Variants in AMPD3 observed in about 807,000 individuals in gnomAD.
AMPD3 encodes the protein AMP deaminase 3.
A neutral mutation model predicts 82.3 loss-of-function variants in AMPD3; 57 were observed. The observed-to-expected ratio is 0.69, with a 90% CI of 0.56 to 0.86. AMPD3 has a LOEUF of 0.86. Among genes scored for constraint, AMPD3 ranks in the 40% least tolerant of loss-of-function variants. The pLI is 0.00. For synonymous variants in AMPD3, 381 were observed against 394.7 expected, an observed-to-expected ratio of 0.97 and a Z score of 0.41; for missense variants, 870 against 1,003.8, an observed-to-expected ratio of 0.87 and a Z score of 1.80.
At chr11:10,487,609 A>G (rs146989765) in intron 6 of AMPD3, among the ~76,000 whole-genome samples, 7 of 152,368 alleles carry the variant, frequency 4.6e-5, no homozygotes, top group South Asian at 4.1e-4. Flanking sequence ...TCCGCATTGT[A>G]TATCTGTTGG....
intron 3 of AMPD3, among the ~76,000 whole-genome samples, chr11:10,480,563 A>G (rs1350405732): frequency 6.6e-6 from 1 of 152,210 alleles, no homozygotes; most frequent in Non-Finnish European, 1.5e-5. Flanking sequence ...GTAAAAGTAT[A>G]AAAACATGCA....
Position 10,456,262 on chromosome 11 carries a change from T to A in AMPD3, c.-6+814T>A. On this transcript the variant is annotated intron_variant, in intron 1 of 14. Coordinates refer to ENST00000396553, the MANE Select transcript of AMPD3 (RefSeq NM_001025389.2). The surrounding 1 kb of genome is among the most constrained non-coding windows in gnomAD (Gnocchi z 4.3). ...CTCACAGATATGCAAAACAGAGACC[T>A]CCTACTCCAGCCGGCAGACAGGACC... 1.3e-6 allele frequency: 2 copies of A among 1,559,282 alleles called. No homozygotes were observed. Among genetic ancestry groups the A allele is most frequent in the Admixed American group, 1.9e-5 (1 of 53,676 alleles).
rs943438894 is a variant in AMPD3, at chr11:10,492,948, C to T, written c.940-401C>T. Among the ~76,000 whole-genome samples the T allele has an allele frequency of 1.1e-4, 17 of 152,154 alleles. No homozygotes were observed. In the South Asian group the frequency reaches 1.5e-3, roughly 13 times the overall value. On this transcript the variant is annotated intron_variant, in intron 6 of 14. Coordinates refer to ENST00000396553, the MANE Select transcript of AMPD3 (RefSeq NM_001025389.2). ...ACTGTACCTTGGTGTGTGGTGTACCCGTAAGTGGTTTGTCACGGCTGCAGC... is the reference window on the plus strand; with the variant it reads ...ACTGTACCTTGGTGTGTGGTGTACCTGTAAGTGGTTTGTCACGGCTGCAGC...
intron 2 of AMPD3, among the ~76,000 whole-genome samples, chr11:10,461,947 T>C (rs576688261): frequency 3.3e-5 from 5 of 152,250 alleles, no homozygotes; most frequent in African/African-American, 1.2e-4. Flanking sequence ...CAAAACCCAC[T>C]TTGCTGCTGA....
At position 10,461,525 on chromosome 11, in the gene AMPD3, G is replaced by A. The variant is rs561207052; in HGVS notation, c.6G>A (p.Pro2=). The change falls in exon 2 of 15, where the codon CCG becomes CCA. Residue 2 remains proline, a synonymous_variant. Transcript: ENST00000396553. ...TTCTTTCTTTGCTAGCTGAGATGCC[G>A]CGGCAGTTTCCCAAGCTGAACATCT... M[P]RQFPKLNISE... The A allele has an allele frequency of 2.1e-5, 34 of 1,614,210 alleles. No homozygotes were observed. The highest frequency in any genetic ancestry group is 4.4e-5 in the South Asian group (4 of 91,082).
chr11:10,483,875 G>A (rs1848987878), intron 4 of AMPD3, among the ~76,000 whole-genome samples: 1 of 152,218 alleles, frequency 6.6e-6, no homozygotes, highest in South Asian at 2.1e-4. Context: ...TGCCTATGCT[G>A]GCAGCTGGAC....
intron 2 of AMPD3, among the ~76,000 whole-genome samples, chr11:10,477,316 A>G (rs1179018150): frequency 3.9e-5 from 6 of 152,182 alleles, no homozygotes; most frequent in African/African-American, 1.4e-4. Flanking sequence ...TACTGGGCCC[A>G]TGGCACAAGG....
intron 11 of AMPD3, 186 bp downstream of exon 11, chr11:10,500,435 C>A: frequency 1.9e-6 from 1 of 538,224 alleles, no homozygotes; most frequent in Non-Finnish European, 2.4e-6. Flanking sequence ...AGGCATGTCT[C>A]CACATGATCA....
intron 6 of AMPD3, among the ~76,000 whole-genome samples, chr11:10,492,255 C>A (rs1849260235): frequency 2.6e-5 from 4 of 152,224 alleles, no homozygotes; most frequent in Non-Finnish European, 5.9e-5. Flanking sequence ...CTGTTCATTT[C>A]TGCTTCTTAG....
At chr11:10,491,904 G>T (rs1023772536) in intron 6 of AMPD3, among the ~76,000 whole-genome samples, 15 of 152,174 alleles carry the variant, frequency 9.9e-5, no homozygotes, top group Admixed American at 8.5e-4. Flanking sequence ...TTGGCTGGTG[G>T]CATAAATTTG....
At chr11:10,486,839 C>T (rs1488935654) in intron 5 of AMPD3, 6 of 985,314 alleles carry the variant, frequency 6.1e-6, no homozygotes, top group Non-Finnish European at 7.2e-6. Flanking sequence ...GAGACTTCCA[C>T]TGAGCATCCA....
At chr11:10,475,172 G>A (rs549322733) in intron 2 of AMPD3, among the ~76,000 whole-genome samples, 25 of 152,144 alleles carry the variant, frequency 1.6e-4, no homozygotes, top group Non-Finnish European at 3.1e-4. Context: ...AGGAGCAGGC[G>A]TCTTACATGG....
chr11:10,457,310 A>G (rs532517694), intron 1 of AMPD3, among the ~76,000 whole-genome samples: 47 of 152,218 alleles, frequency 3.1e-4, no homozygotes, highest in African/African-American at 1.1e-3. Context: ...TATTTAAGAC[A>G]CTGGTAGTAG....
chr11:10,495,093 G>T (rs1849354302), intron 8 of AMPD3, 63 bp downstream of exon 8: 23 of 1,613,166 alleles, frequency 1.4e-5, no homozygotes, highest in Non-Finnish European at 1.6e-5. Context: ...CCTTCAGAGA[G>T]TGGGGGCCCT....
chr11:10,467,851 G>C (rs1848465925), intron 2 of AMPD3, among the ~76,000 whole-genome samples: 1 of 152,152 alleles, frequency 6.6e-6, no homozygotes, highest in Admixed American at 6.5e-5. Context: ...GAAGAGAGTG[G>C]GGGCCAATAT....
chr11:10,501,507 T>G lies in AMPD3; in HGVS notation c.1759T>G (p.Cys587Gly). 6.2e-7 allele frequency: 1 copy of G among 1,614,168 alleles called. No individual in the cohort carries two copies. Among genetic ancestry groups the G allele is most frequent in the Non-Finnish European group, 8.5e-7 (1 of 1,180,020 alleles). ...GAGCACGTTCCTGTTCCGGCCGCAC[T>G]GTGGGGAAGCCGGCTCCATCACCCA... ...GLSTFLFRPH[C>G]GEAGSITHLV... The change falls in exon 12 of 15, where the codon TGT (cysteine) becomes GGT (glycine). Residue 587 changes from cysteine to glycine, a missense_variant. Transcript: ENST00000396553.
intron 4 of AMPD3, among the ~76,000 whole-genome samples, chr11:10,483,555 A>G (rs982883860): frequency 1.3e-5 from 2 of 152,258 alleles, no homozygotes; most frequent in Non-Finnish European, 2.9e-5. Flanking sequence ...ACATGGACAG[A>G]GGACCCCTGG....
At position 10,482,251 on chromosome 11, in the gene AMPD3, G is replaced by A. The variant is rs745741300; in HGVS notation, c.589+26G>A. 1.7e-5 allele frequency: 27 copies of A among 1,609,470 alleles called. No homozygotes were observed. In the South Asian group the frequency reaches 2.8e-4, roughly 16 times the overall value. On this transcript the variant is annotated intron_variant, in intron 4 of 14. Coordinates refer to ENST00000396553, the MANE Select transcript of AMPD3 (RefSeq NM_001025389.2). ...GTATGGAGCTCTGGCTGGAGGTTGG[G>A]TCCCAAGTGTGGGCAGACCGAGAGC...
intron 12 of AMPD3, 40 bp downstream of exon 12, chr11:10,501,630 C>A (rs761928234): frequency 1.2e-6 from 2 of 1,613,970 alleles, no homozygotes; most frequent in Non-Finnish European, 8.5e-7. Flanking sequence ...TGAGTGACTG[C>A]CCTGCCCTGG....
Sources: allele counts gnomAD v4.1 joint callset (sites outside exome capture counted in the v4.1 genomes callset), GRCh38; gene constraint gnomAD v4.1.1; non-coding constraint Gnocchi (gnomAD v3.1); transcripts MANE v1.5; gene names NCBI Gene and HGNC (gene_info 2026-07-23, HGNC 2026-07-21).